The following SGCZ variants were observed in gnomAD, a reference collection of about 807,000 sequenced individuals.
The protein encoded by SGCZ is zeta-sarcoglycan.
In SGCZ, 40 loss-of-function variants were observed where a neutral mutation model predicts 41.3. That is an observed-to-expected ratio of 0.97 (90% CI 0.75 to 1.26). The LOEUF (loss-of-function observed/expected upper bound fraction) is 1.26. SGCZ is among the 50% of genes most tolerant of loss of function. The probability of loss-of-function intolerance (pLI) is 0.00; values close to 1 mark genes in which losing one functional copy is unlikely to be tolerated. For missense variants in SGCZ, 552 were observed against 369.8 expected, an observed-to-expected ratio of 1.49 and a Z score of -4.04; for synonymous variants, 206 against 137.5, an observed-to-expected ratio of 1.50 and a Z score of -3.49.
chr8:15,088,660 GTT>G (rs1390531629), intron 1 of SGCZ, among the ~76,000 whole-genome samples: 69 of 151,892 alleles, frequency 4.5e-4, no homozygotes, highest in Non-Finnish European at 7.5e-4. Context: ...TGAGAAAACT[GTT>G]GTCCCTTGCT....
At chr8:14,563,440 A>G (rs2117212204) in intron 1 of SGCZ, among the ~76,000 whole-genome samples, 1 of 152,342 alleles carries the variant, frequency 6.6e-6, no homozygotes, top group East Asian at 1.9e-4. Context: ...AAGGAAATGT[A>G]CAATGCCTAA....
intron 2 of SGCZ, among the ~76,000 whole-genome samples, chr8:14,471,172 A>G (rs569934685): frequency 2.6e-5 from 4 of 152,308 alleles, no homozygotes; most frequent in African/African-American, 9.6e-5. Context: ...CATTGACTAA[A>G]GCATGGCAAT....
chr8:14,864,125 G>C (rs774295772), intron 1 of SGCZ, among the ~76,000 whole-genome samples: 11 of 152,104 alleles, frequency 7.2e-5, no homozygotes, highest in Non-Finnish European at 1.5e-4. Flanking sequence ...TGCTCATTTA[G>C]AAGGGTAAGA....
At chr8:15,086,540 T>C (rs936930000) in intron 1 of SGCZ, among the ~76,000 whole-genome samples, 1 of 152,198 alleles carries the variant, frequency 6.6e-6, no homozygotes, top group African/African-American at 2.4e-5. Flanking sequence ...AATGCAATAT[T>C]TGAAGTGATA....
intron 3 of SGCZ, among the ~76,000 whole-genome samples, chr8:14,266,192 A>C (rs1433763051): frequency 6.6e-6 from 1 of 152,112 alleles, no homozygotes; most frequent in Non-Finnish European, 1.5e-5. Flanking sequence ...AAACTCTCAA[A>C]GTCTGGAAGA....
At position 14,376,260 on chromosome 8, in the gene SGCZ, G is replaced by A. The variant is rs141800847; in HGVS notation, c.235-52056C>T. ...TGGCAGGCGGAGGTTGCAGTGAGCC[G>A]AGATCGTGCCACTGCACTCTAGCCT... On this transcript the variant is annotated intron_variant, in intron 2 of 7. Coordinates refer to ENST00000382080, the MANE Select transcript of SGCZ (RefSeq NM_139167.4). Among the ~76,000 whole-genome samples the A allele has an allele frequency of 5.5e-4, 83 of 152,140 alleles. No individual in the cohort carries two copies. The East Asian group carries it at 0.014, about 26-fold the overall frequency.
At chr8:14,897,609 C>T (rs1805249724) in intron 1 of SGCZ, among the ~76,000 whole-genome samples, 1 of 152,198 alleles carries the variant, frequency 6.6e-6, no homozygotes, top group Admixed American at 6.5e-5. Context: ...GAATTAGTCA[C>T]AGCTATAGAT....
chr8:14,935,764 C>A (rs1006501790), intron 1 of SGCZ, among the ~76,000 whole-genome samples: 82 of 151,696 alleles, frequency 5.4e-4, no homozygotes, highest in Non-Finnish European at 2.4e-4. Context: ...TATAAATTAA[C>A]TGAAATTTCC....
At chr8:14,619,468 G>T (rs1346620840) in intron 1 of SGCZ, among the ~76,000 whole-genome samples, 2 of 152,080 alleles carry the variant, frequency 1.3e-5, no homozygotes, top group Admixed American at 1.3e-4. Flanking sequence ...AAAAAATAAA[G>T]GGTATTCAAT....
chr8:14,822,860 C>T (rs1175361479), intron 1 of SGCZ, among the ~76,000 whole-genome samples: 2 of 152,034 alleles, frequency 1.3e-5, no homozygotes, highest in Non-Finnish European at 2.9e-5. Context: ...TCGTGACCAG[C>T]GTGTGCAACA....
chr8:14,865,947 A>G (rs550755103), intron 1 of SGCZ, among the ~76,000 whole-genome samples: 4 of 152,242 alleles, frequency 2.6e-5, no homozygotes, highest in Admixed American at 1.3e-4. Context: ...ATTTGCCTCT[A>G]TAAGGACCTA....
At chr8:15,046,494 A>C (rs974964885) in intron 1 of SGCZ, among the ~76,000 whole-genome samples, 1 of 151,986 alleles carries the variant, frequency 6.6e-6, no homozygotes, top group Admixed American at 6.6e-5. Flanking sequence ...TTGGCCAGTG[A>C]AGCCTCTGCC....
At chr8:14,760,714 C>T (rs1447759211) in intron 1 of SGCZ, among the ~76,000 whole-genome samples, 1 of 152,152 alleles carries the variant, frequency 6.6e-6, no homozygotes, top group Non-Finnish European at 1.5e-5. Context: ...TAAATATCCT[C>T]TAAAAATACA....
At chr8:14,971,168 G>A (rs1235901734) in intron 1 of SGCZ, among the ~76,000 whole-genome samples, 1 of 151,992 alleles carries the variant, frequency 6.6e-6, no homozygotes, top group Non-Finnish European at 1.5e-5. Flanking sequence ...AAAATATTTT[G>A]TCTGATTGCC....
chr8:15,072,416 C>A (rs540224883), intron 1 of SGCZ, among the ~76,000 whole-genome samples: 1 of 152,294 alleles, frequency 6.6e-6, no homozygotes, highest in African/African-American at 2.4e-5. Context: ...CTTTGGAACT[C>A]CAAATTCCTC....
chr8:14,723,318 C>T (rs1163961701), intron 1 of SGCZ, among the ~76,000 whole-genome samples: 1 of 152,146 alleles, frequency 6.6e-6, no homozygotes, highest in East Asian at 1.9e-4. Flanking sequence ...AGGGCTTGTT[C>T]CTGGCCCTGA....
At chr8:14,100,245 A>C (rs1801972309) in intron 7 of SGCZ, among the ~76,000 whole-genome samples, 1 of 151,804 alleles carries the variant, frequency 6.6e-6, no homozygotes, top group African/African-American at 2.4e-5. Context: ...CTCATTTGAC[A>C]ATGAAGTTAT....
At chr8:14,934,507 A>G (rs1268773737) in intron 1 of SGCZ, among the ~76,000 whole-genome samples, 1 of 151,872 alleles carries the variant, frequency 6.6e-6, no homozygotes, top group Non-Finnish European at 1.5e-5. Context: ...AGATGAAGAT[A>G]TAATTAGCCA....
chr8:14,237,445 G>C (rs929197733), intron 4 of SGCZ, 147 bp downstream of exon 4: 4 of 700,288 alleles, frequency 5.7e-6, no homozygotes, highest in Admixed American at 4.7e-5. Context: ...GCCTCCCAAA[G>C]TGCACTCCAG....
Sources: gnomAD v4.1 joint callset for allele counts (sites outside exome capture counted in the v4.1 genomes callset) on GRCh38, gnomAD v4.1.1 for gene constraint, MANE v1.5 for transcripts, NCBI Gene and HGNC (gene_info 2026-07-23, HGNC 2026-07-21) for gene names.